The following LRCH1 variants were observed in gnomAD, a reference collection of about 807,000 sequenced individuals.
LRCH1 encodes the protein leucine-rich repeat and calponin homology domain-containing protein 1.
Under a neutral mutation model 94.9 loss-of-function variants are expected in LRCH1, and 23 were observed. The ratio of observed to expected loss-of-function variants is 0.24; its 90% CI spans 0.17 to 0.34. LRCH1 has a LOEUF of 0.34. Ranked by LOEUF, LRCH1 falls within the 10% of genes least tolerant of loss-of-function variation. LRCH1 has a pLI of 1.00. For missense variants in LRCH1, 790 were observed against 945.9 expected, an observed-to-expected ratio of 0.84 and a Z score of 2.16; for synonymous variants, 364 against 354.9, an observed-to-expected ratio of 1.03 and a Z score of -0.29.
chr13:46,663,135 C>T (rs974024551), intron 2 of LRCH1, among the ~76,000 whole-genome samples: 8 of 152,018 alleles, frequency 5.3e-5, no homozygotes, highest in Non-Finnish European at 1.0e-4. Context: ...AACTTAGGCT[C>T]CCAGATTTAA....
intron 2 of LRCH1, among the ~76,000 whole-genome samples, chr13:46,652,193 C>T (rs2051314184): frequency 2.6e-5 from 4 of 152,192 alleles, no homozygotes. Flanking sequence ...TCTACTGCCT[C>T]AGCCTACTGA....
At chr13:46,675,207 C>T (rs1422303984) in intron 3 of LRCH1, among the ~76,000 whole-genome samples, 9 of 152,182 alleles carry the variant, frequency 5.9e-5, no homozygotes, top group Non-Finnish European at 2.9e-5. Context: ...TGTATAAATG[C>T]CATGTGTTAT....
intron 1 of LRCH1, among the ~76,000 whole-genome samples, chr13:46,560,619 C>A (rs1301039205): frequency 2.0e-5 from 3 of 152,146 alleles, no homozygotes; most frequent in African/African-American, 7.2e-5. Flanking sequence ...TAATGCCCAA[C>A]TCATAGGAAG....
chr13:46,727,911 T>C (rs1203718172), intron 17 of LRCH1, among the ~76,000 whole-genome samples: 1 of 101,448 alleles, frequency 9.9e-6, no homozygotes, highest in Non-Finnish European at 2.7e-5. Context: ...ATTTCTTTCT[T>C]TCTTTCTTTC....
chr13:46,642,267 C>T (rs2051167588), intron 1 of LRCH1, among the ~76,000 whole-genome samples: 3 of 152,286 alleles, frequency 2.0e-5, no homozygotes, highest in East Asian at 3.9e-4. Flanking sequence ...CTTCTACAAG[C>T]TATACCCATA....
At chr13:46,696,875 C>T (rs187770615) in intron 9 of LRCH1, among the ~76,000 whole-genome samples, 498 of 152,148 alleles carry the variant, frequency 3.3e-3, no homozygotes, top group Middle Eastern at 0.014. Context: ...TCAAGATCAG[C>T]CTGGGCAACA....
intron 1 of LRCH1, among the ~76,000 whole-genome samples, chr13:46,640,431 G>A (rs765924732): frequency 6.6e-6 from 1 of 152,152 alleles, no homozygotes; most frequent in Non-Finnish European, 1.5e-5. Context: ...GCTAAGTGGT[G>A]GGACCAGAGT....
chr13:46,635,751 G>A (rs1029928263), intron 1 of LRCH1, among the ~76,000 whole-genome samples: 17 of 149,544 alleles, frequency 1.1e-4, no homozygotes, highest in African/African-American at 3.7e-4. Flanking sequence ...GATTACAGGC[G>A]TGAGCCACCG....
chr13:46,668,073 C>T (rs1009415785), intron 2 of LRCH1, among the ~76,000 whole-genome samples: 1 of 152,184 alleles, frequency 6.6e-6, no homozygotes, highest in African/African-American at 2.4e-5. Context: ...TGGTTGTTGG[C>T]TTCAACACCA....
chr13:46,682,764 A>G (rs993213525), intron 4 of LRCH1, among the ~76,000 whole-genome samples: 4 of 152,220 alleles, frequency 2.6e-5, no homozygotes, highest in African/African-American at 9.6e-5. Flanking sequence ...GCTCCCAACC[A>G]TCCAGCATGA....
chr13:46,636,195 G>T (rs998086676), intron 1 of LRCH1, among the ~76,000 whole-genome samples: 1 of 148,298 alleles, frequency 6.7e-6, no homozygotes, highest in Non-Finnish European at 1.5e-5. Flanking sequence ...TCTGCCTCCC[G>T]AGTAGCTGGA....
At chr13:46,691,874 G>C (rs1395692195) in intron 7 of LRCH1, among the ~76,000 whole-genome samples, 1 of 152,048 alleles carries the variant, frequency 6.6e-6, no homozygotes, top group Non-Finnish European at 1.5e-5. Flanking sequence ...ATTTTTAGTA[G>C]AGATGGGGTT....
chr13:46,692,489 A>G (rs149176017), intron 7 of LRCH1, 47 bp from the exon 8 acceptor site: 1 of 1,309,442 alleles, frequency 7.6e-7, no homozygotes, highest in Admixed American at 1.7e-5. Context: ...CCTTATCTAC[A>G]TTGATAACAC....
At chr13:46,750,666 A>G in exon 19 of LRCH1, 1 of 1,504,552 alleles carries the variant, frequency 6.6e-7, no homozygotes, top group Non-Finnish European at 9.1e-7. Context: ...CCCCTTCTCC[A>G]TTGGGGGCTC....
rs79971665 is a variant in LRCH1, at chr13:46,741,966, C to A, written c.*118C>A. On this transcript the variant is annotated 3_prime_UTR_variant, in exon 20 of 20. Coordinates refer to ENST00000389797, the MANE Select transcript of LRCH1 (RefSeq NM_001164211.2). ...CCCTGTCATGTCTTCAGTTATCTCT[C>A]GAGTTTTGAAGCTGAACAGTAGCAA... 7 of 1,544,300 alleles carry A rather than the reference C, an allele frequency of 4.5e-6. No homozygotes were observed. The African/African-American group carries it at 8.2e-5, about 18-fold the overall frequency.
chr13:46,567,492 TTGTGTGTG>T (rs35848521), intron 1 of LRCH1, among the ~76,000 whole-genome samples: 1 of 141,866 alleles, frequency 7.0e-6, no homozygotes, highest in African/African-American at 2.7e-5. Flanking sequence ...TAAGGCAATT[TTGTGTGTG>T]TGTGTGTGTG....
intron 13 of LRCH1, chr13:46,705,562 C>G: frequency 1.6e-6 from 1 of 614,962 alleles, no homozygotes; most frequent in Non-Finnish European, 3.0e-6. Context: ...TACCTCAGAT[C>G]ATCTTGCTGA....
chr13:46,660,781 C>G (rs976998941), intron 2 of LRCH1, among the ~76,000 whole-genome samples: 7 of 152,184 alleles, frequency 4.6e-5, no homozygotes, highest in African/African-American at 1.7e-4. Context: ...CCTTATGCCT[C>G]TTGTGTCTCA....
Position 46,742,710 on chromosome 13 carries a change from A to G in LRCH1, c.*862A>G, listed in dbSNP as rs1356193250. The G allele has an allele frequency of 4.1e-5, 40 of 985,308 alleles. No homozygotes were observed. Among genetic ancestry groups the G allele is most frequent in the Admixed American group, 6.1e-5 (1 of 16,264 alleles). The allele number at this position is 985,308 out of a possible 1,614,324, so 61.0% of individuals were successfully genotyped here. The stretch of plus-strand genomic sequence containing the variant: ...TCACTGCTTTTTTGCCACATCACAT[A>G]GTAACTGCCGGTCCAGAATGTGACG... On this transcript the variant is annotated 3_prime_UTR_variant, in exon 20 of 20. Transcript: ENST00000389797.
Sources: gnomAD v4.1 joint callset for allele counts (sites outside exome capture counted in the v4.1 genomes callset) on GRCh38, gnomAD v4.1.1 for gene constraint, MANE v1.5 for transcripts, NCBI Gene and HGNC (gene_info 2026-07-23, HGNC 2026-07-21) for gene names.